Variants in ARHGAP44 observed in about 807,000 individuals in gnomAD.
ARHGAP44 encodes the protein rho GTPase-activating protein 44.
A neutral mutation model predicts 106.8 loss-of-function variants in ARHGAP44; 43 were observed. The ratio of observed to expected loss-of-function variants is 0.40; its 90% CI spans 0.32 to 0.52. ARHGAP44 has a LOEUF of 0.52. Among genes scored for constraint, ARHGAP44 ranks in the 20% least tolerant of loss-of-function variants. ARHGAP44 has a pLI of 0.48. For missense variants in ARHGAP44, 866 were observed against 1,050.5 expected, an observed-to-expected ratio of 0.82 and a Z score of 2.43; for synonymous variants, 439 against 410.3, an observed-to-expected ratio of 1.07 and a Z score of -0.85.
intron 1 of ARHGAP44, among the ~76,000 whole-genome samples, chr17:12,793,094 G>A (rs765384149): frequency 2.4e-4 from 37 of 152,268 alleles, no homozygotes; most frequent in Non-Finnish European, 4.1e-4. Flanking sequence ...GTTTGTTGCT[G>A]ACTATGGAAT....
rs185007188 is a variant in ARHGAP44, at chr17:12,950,546, G to T, written c.1055+816G>T. 7.2e-5 allele frequency among the ~76,000 whole-genome samples: 11 copies of T among 152,300 alleles called. No individual in the cohort carries two copies. The East Asian group carries it at 2.1e-3, about 29-fold the overall frequency. On this transcript the variant is annotated intron_variant, in intron 12 of 20. Coordinates refer to ENST00000379672, the MANE Select transcript of ARHGAP44 (RefSeq NM_014859.6). Reference sequence around the variant, plus strand: ...TCCTGGCTTATTTCCTCGGTTATGCGTGCATTAGGATGGCATTGTATGTTC... The same window carrying T: ...TCCTGGCTTATTTCCTCGGTTATGCTTGCATTAGGATGGCATTGTATGTTC...
At position 12,826,205 on chromosome 17, in the gene ARHGAP44, T is replaced by A. The variant is rs192907489; in HGVS notation, c.53+36314T>A. 2.6e-5 allele frequency among the ~76,000 whole-genome samples: 4 copies of A among 152,340 alleles called. No individual in the cohort carries two copies. In the East Asian group the frequency reaches 7.7e-4, roughly 29 times the overall value. ...TATTAAGCCCAGTACTCGTTAGGTA[T>A]TTTTCTTGATCCTCTCCATCCTCCC... On this transcript the variant is annotated intron_variant, in intron 1 of 20. Coordinates refer to ENST00000379672, the MANE Select transcript of ARHGAP44 (RefSeq NM_014859.6).
At chr17:12,849,426 T>C (rs1164178533) in intron 1 of ARHGAP44, among the ~76,000 whole-genome samples, 1 of 152,120 alleles carries the variant, frequency 6.6e-6, no homozygotes, top group African/African-American at 2.4e-5. Context: ...CTCCTTAACA[T>C]GTGTTTGTAA....
At chr17:12,874,334 C>A (rs1453170515) in intron 1 of ARHGAP44, among the ~76,000 whole-genome samples, 1 of 152,120 alleles carries the variant, frequency 6.6e-6, no homozygotes, top group Non-Finnish European at 1.5e-5. Flanking sequence ...GGCTTTCCAC[C>A]CTCTGTCGTG....
chr17:12,893,420 T>C (rs1274214086), intron 1 of ARHGAP44, among the ~76,000 whole-genome samples: 2 of 152,184 alleles, frequency 1.3e-5, no homozygotes, highest in African/African-American at 4.8e-5. Flanking sequence ...ACCACACCAA[T>C]GGGAAGGTGA....
intron 18 of ARHGAP44, among the ~76,000 whole-genome samples, chr17:12,974,736 T>C (rs984175621): frequency 1.3e-5 from 2 of 152,198 alleles, no homozygotes; most frequent in African/African-American, 4.8e-5. Flanking sequence ...CACATACCTG[T>C]GATAAAGTTT....
At chr17:12,920,694 A>G (rs2038057648) in intron 6 of ARHGAP44, among the ~76,000 whole-genome samples, 1 of 152,164 alleles carries the variant, frequency 6.6e-6, no homozygotes, top group Non-Finnish European at 1.5e-5. Flanking sequence ...CATTACAGGA[A>G]ATTTCGCATT....
chr17:12,906,042 A>G (rs8074301), intron 3 of ARHGAP44, among the ~76,000 whole-genome samples: 79,528 of 151,932 alleles, frequency 0.52, 21,150 homozygotes, highest in Non-Finnish European at 0.57. Flanking sequence ...TCTACCCATC[A>G]GATGCCAATA....
At chr17:12,836,036 C>T (rs2035227380) in intron 1 of ARHGAP44, among the ~76,000 whole-genome samples, 1 of 152,134 alleles carries the variant, frequency 6.6e-6, no homozygotes, top group Non-Finnish European at 1.5e-5. Context: ...TTTTGTTTCT[C>T]CATCCATGTA....
At chr17:12,842,414 C>CAAAAAAAAAAAAAAAAAAGAAAAAAAAAA (rs2035441669) in intron 1 of ARHGAP44, among the ~76,000 whole-genome samples, 1 of 56,426 alleles carries the variant, frequency 1.8e-5, no homozygotes, top group Non-Finnish European at 4.2e-5. Context: ...GAGACCATCT[C>CAAAAAAAAAAAAAAAAAAGAAAAAAAAAA]AAAAAAAAAA....
At chr17:12,821,678 C>A (rs1445602864) in intron 1 of ARHGAP44, among the ~76,000 whole-genome samples, 1 of 152,094 alleles carries the variant, frequency 6.6e-6, no homozygotes, top group Non-Finnish European at 1.5e-5. Flanking sequence ...AGCAAAAAAT[C>A]AAAACAGAGC....
chr17:12,928,959 G>A lies in ARHGAP44; in HGVS notation c.495G>A (p.Leu165=). Residue 165 remains leucine (L), a synonymous_variant, in exon 7 of 21, where the codon TTG becomes TTA. Coordinates refer to ENST00000379672, the MANE Select transcript of ARHGAP44 (RefSeq NM_014859.6). ...AGCAGACTTCCAAGTCTTCAGGTTT[G>A]TCCAGCAGCTTACAGCCTGCGGGTG... is the stretch of plus-strand genomic sequence containing the variant. ...RWQQTSKSSG[L]SSSLQPAGAK... is the part of the protein sequence containing the mutation. 2 of 1,613,218 alleles carry A rather than the reference G, an allele frequency of 1.2e-6. No individual in the cohort carries two copies. Among genetic ancestry groups the A allele is most frequent in the East Asian group, 2.2e-5 (1 of 44,858 alleles).
Position 12,795,842 on chromosome 17 carries a change from T to G in ARHGAP44, c.53+5951T>G, listed in dbSNP as rs1469643711. Reference sequence around the variant, plus strand: ...AGCTGGCACCTGGAACTCCACCGCCTTTGGGAAGCTTGTGGCTGTCTAGCA... The same window carrying G: ...AGCTGGCACCTGGAACTCCACCGCCGTTGGGAAGCTTGTGGCTGTCTAGCA... On this transcript the variant is annotated intron_variant, in intron 1 of 20. Transcript: ENST00000379672. Among the ~76,000 whole-genome samples, 3 of 152,144 alleles carry G rather than the reference T, an allele frequency of 2.0e-5. No individual in the cohort carries two copies. The East Asian group carries it at 5.8e-4, about 29-fold the overall frequency.
At chr17:12,909,948 G>A (rs2037674176) in intron 4 of ARHGAP44, among the ~76,000 whole-genome samples, 1 of 152,154 alleles carries the variant, frequency 6.6e-6, no homozygotes, top group Non-Finnish European at 1.5e-5. Context: ...AGGGAAAAAA[G>A]ATCATTACTA....
chr17:12,879,965 T>C (rs1319221007), intron 1 of ARHGAP44, among the ~76,000 whole-genome samples: 1 of 151,740 alleles, frequency 6.6e-6, no homozygotes, highest in Non-Finnish European at 1.5e-5. Flanking sequence ...GAAGAGAAAA[T>C]ATAGAGAGGG....
chr17:12,913,872 A>T, intron 4 of ARHGAP44, among the ~76,000 whole-genome samples: 1 of 149,272 alleles, frequency 6.7e-6, no homozygotes, highest in East Asian at 2.1e-4. Context: ...GGGAGGCTGA[A>T]GCAAGAGAAT....
At chr17:12,962,188 C>T (rs914487217) in intron 16 of ARHGAP44, among the ~76,000 whole-genome samples, 8 of 151,898 alleles carry the variant, frequency 5.3e-5, no homozygotes, top group East Asian at 3.9e-4. Context: ...GGTAAGTTAC[C>T]GATTTGTGTC....
At chr17:12,914,226 GATA>G (rs906391781) in intron 4 of ARHGAP44, among the ~76,000 whole-genome samples, 9 of 152,168 alleles carry the variant, frequency 5.9e-5, no homozygotes, top group Non-Finnish European at 1.2e-4. Flanking sequence ...ACCAGAAGGA[GATA>G]ATAATTTGTA....
At chr17:12,805,002 A>G (rs1210827706) in intron 1 of ARHGAP44, among the ~76,000 whole-genome samples, 3 of 152,194 alleles carry the variant, frequency 2.0e-5, no homozygotes, top group Non-Finnish European at 4.4e-5. Context: ...TGCTAGAAGT[A>G]TGAGGGTGGT....
Sources: gnomAD v4.1 joint callset for allele counts (sites outside exome capture counted in the v4.1 genomes callset) on GRCh38, gnomAD v4.1.1 for gene constraint, MANE v1.5 for transcripts, NCBI Gene and HGNC (gene_info 2026-07-23, HGNC 2026-07-21) for gene names.